The following GLCCI1 variants were observed in gnomAD, a reference collection of about 807,000 sequenced individuals.
GLCCI1 encodes the protein glucocorticoid induced 1, also known as glucocorticoid-induced transcript 1 protein.
GLCCI1 carries 24 observed loss-of-function variants against 52.2 expected under a neutral mutation model. The ratio of observed to expected loss-of-function variants is 0.46; its 90% CI spans 0.33 to 0.65. The LOEUF (loss-of-function observed/expected upper bound fraction) is 0.65. Ranked by LOEUF, GLCCI1 falls within the 30% of genes least tolerant of loss-of-function variation. The probability of loss-of-function intolerance (pLI) is 0.02; values close to 1 mark genes in which losing one functional copy is unlikely to be tolerated. For synonymous variants in GLCCI1, 310 were observed against 276.5 expected (o/e 1.12, Z -1.20); for missense variants, 704 against 701.5 (o/e 1.00, Z -0.04).
At chr7:7,989,251 C>T (rs1780794410) in intron 1 of GLCCI1, among the ~76,000 whole-genome samples, 3 of 151,682 alleles carry the variant, frequency 2.0e-5, no homozygotes, top group African/African-American at 7.2e-5. Flanking sequence ...CTAGCTGATG[C>T]TATTGGAGCC....
intron 5 of GLCCI1, chr7:8,070,120 C>G (rs913259127): frequency 1.4e-4 from 22 of 152,224 alleles, no homozygotes; most frequent in African/African-American, 5.3e-4. Context: ...AGCTGTGCCA[C>G]TGAACTATAG....
intron 5 of GLCCI1, among the ~76,000 whole-genome samples, chr7:8,061,802 G>A (rs2127961286): frequency 6.6e-6 from 1 of 151,618 alleles, no homozygotes; most frequent in Non-Finnish European, 1.5e-5. Flanking sequence ...GAGTAGCTGG[G>A]ATTACAGGCA....
At chr7:7,973,915 C>G (rs1019177899) in intron 1 of GLCCI1, among the ~76,000 whole-genome samples, 2 of 151,936 alleles carry the variant, frequency 1.3e-5, no homozygotes, top group African/African-American at 4.8e-5. Flanking sequence ...ATAACTTTTT[C>G]TCTTTTAAAA....
intron 2 of GLCCI1, among the ~76,000 whole-genome samples, chr7:8,022,018 T>C (rs1348776054): frequency 6.6e-6 from 1 of 152,196 alleles, no homozygotes; most frequent in Non-Finnish European, 1.5e-5. Flanking sequence ...ATACTTACTC[T>C]TCCCCAAGCA....
chr7:8,062,450 A>T (rs1782540261), intron 5 of GLCCI1, among the ~76,000 whole-genome samples: 1 of 152,340 alleles, frequency 6.6e-6, no homozygotes, highest in African/African-American at 2.4e-5. Context: ...GTTTAGCAGC[A>T]TACTGTAGAC....
chr7:8,072,038 A>G (rs1422540908), intron 6 of GLCCI1, among the ~76,000 whole-genome samples: 2 of 152,210 alleles, frequency 1.3e-5, no homozygotes, highest in Non-Finnish European at 2.9e-5. Context: ...GAATTTTTAC[A>G]TATGTGTGTG....
chr7:7,983,157 C>A (rs1221341434), intron 1 of GLCCI1, among the ~76,000 whole-genome samples: 1 of 151,940 alleles, frequency 6.6e-6, no homozygotes, highest in South Asian at 2.1e-4. Flanking sequence ...TGTGGATTTT[C>A]TTTTTTATGG....
chr7:8,086,488 G>GA lies in GLCCI1; in HGVS notation c.1596dup (p.Leu533ThrfsTer4). 6.2e-7 allele frequency: 1 copy of GA among 1,613,898 alleles called. No homozygotes were observed. The highest frequency in any genetic ancestry group is 1.1e-5 in the South Asian group (1 of 91,042). On this transcript the variant is annotated frameshift_variant, in exon 8 of 8. Transcript: ENST00000223145. LOFTEE classifies it high-confidence loss of function. The surrounding 1 kb of genome is among the most constrained non-coding windows in gnomAD (Gnocchi z 4.4). The stretch of plus-strand genomic sequence containing the variant: ...ATCCCAGCAGCAGCAGCTCCTGCAG[G>GA]AACTGCAGGGTGAGGACCACATCTC...
In GLCCI1 at chr7:8,061,336, G is replaced by A. The variant is rs192568106; in HGVS notation, c.966+1088G>A. Among the ~76,000 whole-genome samples the A allele has an allele frequency of 2.6e-5, 4 of 152,174 alleles. No individual in the cohort carries two copies. The South Asian group carries it at 6.2e-4, about 24-fold the overall frequency. ...AGGATGGTCTGGATCTCCTGACCTCGTGATCCGTCCACCTCGGCCTCCCAA... is the reference window on the plus strand; with the variant it reads ...AGGATGGTCTGGATCTCCTGACCTCATGATCCGTCCACCTCGGCCTCCCAA... On this transcript the variant is annotated intron_variant, in intron 5 of 7. Transcript: ENST00000223145.
chr7:8,055,181 T>A (rs2127958916), intron 3 of GLCCI1, among the ~76,000 whole-genome samples: 1 of 152,336 alleles, frequency 6.6e-6, no homozygotes, highest in East Asian at 1.9e-4. Flanking sequence ...TGAAATAATC[T>A]GGGGAAATGT....
chr7:8,071,543 A>G (rs1782762662), intron 6 of GLCCI1, among the ~76,000 whole-genome samples: 1 of 152,250 alleles, frequency 6.6e-6, no homozygotes, highest in South Asian at 2.1e-4. Context: ...TCTGTTGGAA[A>G]AAGTGAGTGT....
intron 6 of GLCCI1, among the ~76,000 whole-genome samples, chr7:8,084,372 G>A (rs1048288716): frequency 6.6e-6 from 1 of 152,150 alleles, no homozygotes; most frequent in Non-Finnish European, 1.5e-5. Flanking sequence ...TTTATGTTGG[G>A]TAGGTAGAAA....
At chr7:8,084,843 C>A in intron 6 of GLCCI1, 54 bp from the exon 7 acceptor site, 1 of 1,595,556 alleles carries the variant, frequency 6.3e-7, no homozygotes, top group South Asian at 1.1e-5. Flanking sequence ...GTTTGGAAAT[C>A]AAATTTAAAA....
At chr7:8,066,148 T>A (rs1445578726) in intron 5 of GLCCI1, among the ~76,000 whole-genome samples, 1 of 152,212 alleles carries the variant, frequency 6.6e-6, no homozygotes, top group East Asian at 1.9e-4. Context: ...TTCCAGGAAT[T>A]TACCTGTTTT....
chr7:8,060,066 A>G (rs781545271), intron 4 of GLCCI1, 30 bp from the exon 5 acceptor site: 30 of 1,575,310 alleles, frequency 1.9e-5, no homozygotes, highest in Non-Finnish European at 2.6e-5. Flanking sequence ...ACCACAAATA[A>G]TTTGATACCA....
At chr7:8,006,666 T>C (rs1781156673) in intron 2 of GLCCI1, among the ~76,000 whole-genome samples, 1 of 152,158 alleles carries the variant, frequency 6.6e-6, no homozygotes, top group Non-Finnish European at 1.5e-5. Context: ...CATTTTGTCC[T>C]CCCCCCACTA....
At chr7:8,061,169 G>T (rs1159664575) in intron 5 of GLCCI1, among the ~76,000 whole-genome samples, 1 of 149,822 alleles carries the variant, frequency 6.7e-6, no homozygotes, top group African/African-American at 2.5e-5. Context: ...GCGTGATCTC[G>T]GCTCACTGCA....
intron 3 of GLCCI1, among the ~76,000 whole-genome samples, chr7:8,054,061 ATGAG>A (rs1257207620): frequency 2.0e-5 from 3 of 152,270 alleles, no homozygotes; most frequent in Non-Finnish European, 4.4e-5. Flanking sequence ...ATTTTTTTAA[ATGAG>A]TAAGTACAGA....
At chr7:8,039,813 G>A (rs6943211) in intron 3 of GLCCI1, among the ~76,000 whole-genome samples, 114,405 of 151,952 alleles carry the variant, frequency 0.75, 43,507 homozygotes, top group African/African-American at 0.87. Flanking sequence ...CCTGGCCAAC[G>A]TGGTGAAACC....
Sources: allele counts gnomAD v4.1 joint callset (sites outside exome capture counted in the v4.1 genomes callset), GRCh38; gene constraint gnomAD v4.1.1; non-coding constraint Gnocchi (gnomAD v3.1); transcripts MANE v1.5; gene names NCBI Gene and HGNC (gene_info 2026-07-23, HGNC 2026-07-21).